Variants in TPRG1 observed in about 807,000 individuals in gnomAD.
The protein encoded by TPRG1 is tumor protein p63 regulated 1, also known as tumor protein p63-regulated gene 1 protein.
A neutral mutation model predicts 29.3 loss-of-function variants in TPRG1; 29 were observed. That is an observed-to-expected ratio of 0.99 (90% CI 0.74 to 1.35). The LOEUF (loss-of-function observed/expected upper bound fraction) is 1.35, where lower values mean the gene tolerates loss of function less well. Among genes scored for constraint, TPRG1 ranks in the 40% most tolerant of loss-of-function variants. TPRG1 has a pLI of 0.00. For synonymous variants in TPRG1, 130 were observed against 116.8 expected, an observed-to-expected ratio of 1.11 and a Z score of -0.73; for missense variants, 327 against 335.0, an observed-to-expected ratio of 0.98 and a Z score of 0.19.
chr3:189,078,142 C>CT (rs1340953933), intron 4 of TPRG1, among the ~76,000 whole-genome samples: 1,611 of 49,392 alleles, frequency 0.033, 43 homozygotes, highest in African/African-American at 0.095. Flanking sequence ...TCTTTCCTTT[C>CT]TTTTTTTTTT....
intron 3 of TPRG1, among the ~76,000 whole-genome samples, chr3:189,221,841 A>G (rs924375811): frequency 2.6e-5 from 4 of 152,234 alleles, no homozygotes; most frequent in Non-Finnish European, 5.9e-5. Flanking sequence ...TTACGGATGA[A>G]GAAACCTAGA....
At chr3:189,089,343 T>A (rs1241808561) in intron 4 of TPRG1, among the ~76,000 whole-genome samples, 1 of 152,252 alleles carries the variant, frequency 6.6e-6, no homozygotes, top group Non-Finnish European at 1.5e-5. Context: ...GTCTATTTTG[T>A]ATCTTTACTA....
At chr3:189,147,107 C>A (rs56261881) in intron 3 of TPRG1, among the ~76,000 whole-genome samples, 47,622 of 152,050 alleles carry the variant, frequency 0.31, 7,889 homozygotes, top group Admixed American at 0.44. Flanking sequence ...ATTTGAACCC[C>A]GGTCTGTTTG....
chr3:189,114,780 G>A (rs960585600), intron 1 of TPRG1, among the ~76,000 whole-genome samples: 6 of 152,212 alleles, frequency 3.9e-5, no homozygotes, highest in Admixed American at 2.0e-4. Context: ...GTCCAGAAAC[G>A]TGGGTAATAG....
chr3:189,214,514 T>A (rs1735741083), intron 2 of TPRG1, among the ~76,000 whole-genome samples: 1 of 152,176 alleles, frequency 6.6e-6, no homozygotes, highest in Non-Finnish European at 1.5e-5. Flanking sequence ...TGGAGGTGAC[T>A]GACGTTGGCA....
intron 3 of TPRG1, among the ~76,000 whole-genome samples, chr3:189,022,624 G>A (rs1386669016): frequency 2.0e-5 from 3 of 152,108 alleles, no homozygotes; most frequent in Non-Finnish European, 4.4e-5. Context: ...GAGAACTACT[G>A]CTCTCTTCAA....
At chr3:189,087,822 T>C (rs1224735281) in intron 4 of TPRG1, among the ~76,000 whole-genome samples, 1 of 152,170 alleles carries the variant, frequency 6.6e-6, no homozygotes. Context: ...GTTGTAGATG[T>C]GTGGTATTAT....
chr3:189,177,395 TATGTA>T (rs753219746), intron 1 of TPRG1, among the ~76,000 whole-genome samples: 1 of 151,704 alleles, frequency 6.6e-6, no homozygotes, highest in Non-Finnish European at 1.5e-5. Context: ...ATCATATATG[TATGTA>T]TGTATACGCA....
chr3:189,057,066 C>G (rs1021685726), intron 4 of TPRG1, among the ~76,000 whole-genome samples: 1 of 152,196 alleles, frequency 6.6e-6, no homozygotes, highest in South Asian at 2.1e-4. Flanking sequence ...GGCTTGACAT[C>G]ACATCTATCA....
intron 3 of TPRG1, among the ~76,000 whole-genome samples, chr3:189,021,826 T>A (rs1264858996): frequency 6.6e-6 from 1 of 152,166 alleles, no homozygotes; most frequent in Non-Finnish European, 1.5e-5. Context: ...CTGCAGAGTG[T>A]TTTCCAACTT....
At chr3:189,131,199 C>T (rs1345859340) in intron 2 of TPRG1, among the ~76,000 whole-genome samples, 1 of 152,072 alleles carries the variant, frequency 6.6e-6, no homozygotes. Context: ...AGGGAGATTC[C>T]AACTTGGGCT....
chr3:189,299,463 A>G (rs979047314), intron 4 of TPRG1, among the ~76,000 whole-genome samples: 7 of 152,122 alleles, frequency 4.6e-5, no homozygotes, highest in African/African-American at 1.7e-4. Flanking sequence ...CTCAAAATTG[A>G]TGAAGGATTT....
chr3:189,033,629 G>T (rs1361004555), intron 4 of TPRG1, among the ~76,000 whole-genome samples: 1 of 151,568 alleles, frequency 6.6e-6, no homozygotes, highest in Non-Finnish European at 1.5e-5. Flanking sequence ...ACCCAGGCTG[G>T]AGTGCAGTGG....
intron 4 of TPRG1, among the ~76,000 whole-genome samples, chr3:189,085,925 G>A (rs954610042): frequency 1.3e-5 from 2 of 152,100 alleles, no homozygotes; most frequent in Admixed American, 1.3e-4. Context: ...GTTCTCTAGA[G>A]GGACAGGACT....
At chr3:189,270,581 G>C (rs1412398303) in intron 4 of TPRG1, among the ~76,000 whole-genome samples, 1 of 152,216 alleles carries the variant, frequency 6.6e-6, no homozygotes, top group East Asian at 1.9e-4. Context: ...TTGGCAGGCA[G>C]GGAGATCCTT....
At chr3:189,150,750 T>C (rs1725841739) in exon 5 of TPRG1, 1 of 152,194 alleles carries the variant, frequency 6.6e-6, no homozygotes, top group African/African-American at 2.4e-5. Context: ...GGAATCATTT[T>C]GAATAAAAAT....
chr3:189,183,034 T>C (rs987928347), intron 1 of TPRG1, among the ~76,000 whole-genome samples: 3 of 152,194 alleles, frequency 2.0e-5, no homozygotes, highest in Admixed American at 6.5e-5. Context: ...CTACTACTAG[T>C]GGAAAACAGG....
At chr3:189,129,622 T>A (rs558884541) in intron 2 of TPRG1, among the ~76,000 whole-genome samples, 19 of 152,350 alleles carry the variant, frequency 1.2e-4, no homozygotes, top group Non-Finnish European at 8.8e-5. Flanking sequence ...GTTATTATGA[T>A]GTTGTAATGG....
At chr3:189,240,311 A>G (rs183457609) in intron 4 of TPRG1, 1 of 152,188 alleles carries the variant, frequency 6.6e-6, no homozygotes, top group East Asian at 1.9e-4. Context: ...TCTCTTCTAC[A>G]CCAGACCCTC....
Sources: allele counts gnomAD v4.1 joint callset (sites outside exome capture counted in the v4.1 genomes callset), GRCh38; gene constraint gnomAD v4.1.1; transcripts MANE v1.5; gene names NCBI Gene and HGNC (gene_info 2026-07-23, HGNC 2026-07-21).